Variants in ARHGAP32 observed in about 807,000 individuals in gnomAD.
ARHGAP32 encodes the protein rho GTPase-activating protein 32.
Under a neutral mutation model 186.5 loss-of-function variants are expected in ARHGAP32, and 51 were observed. The ratio of observed to expected loss-of-function variants is 0.27; its 90% CI spans 0.22 to 0.35. The LOEUF (loss-of-function observed/expected upper bound fraction) is 0.35. Ranked by LOEUF, ARHGAP32 falls within the 10% of genes least tolerant of loss-of-function variation. The probability of loss-of-function intolerance (pLI) is 1.00; values close to 1 mark genes in which losing one functional copy is unlikely to be tolerated. For synonymous variants in ARHGAP32, 950 were observed against 964.3 expected (o/e 0.99, Z 0.27); for missense variants, 2,186 against 2,623.5 (o/e 0.83, Z 3.64).
intron 19 of ARHGAP32, 78 bp downstream of exon 19, chr11:128,978,692 C>T: frequency 1.4e-6 from 2 of 1,443,514 alleles, no homozygotes; most frequent in South Asian, 1.4e-5. Context: ...CAGATCATAA[C>T]AATATGTGAA....
At chr11:129,205,182 A>T (rs1259841400) in intron 1 of ARHGAP32, among the ~76,000 whole-genome samples, 1 of 152,132 alleles carries the variant, frequency 6.6e-6, no homozygotes, top group Admixed American at 6.5e-5. Flanking sequence ...AGAACCAGAT[A>T]TCAATATTAT....
chr11:129,192,023 A>T, intron 1 of ARHGAP32, 60 bp downstream of exon 1: 2 of 1,205,772 alleles, frequency 1.7e-6, no homozygotes, highest in Non-Finnish European at 2.4e-6. Context: ...GAGAAGAAAA[A>T]GGGGTGCGGG....
chr11:129,027,031 G>A lies in ARHGAP32; in HGVS notation c.1045+13897C>T, dbSNP rs184203138. ...GGAGAATCTCTTGAACCCGGGAGGC[G>A]GAGCTTGCAGTGAGCCGAGATCACG... is the stretch of plus-strand genomic sequence containing the variant. On this transcript the variant is annotated intron_variant, in intron 11 of 22. Coordinates refer to ENST00000682385, the MANE Select transcript of ARHGAP32 (RefSeq NM_001378024.1). 5.4e-3 allele frequency among the ~76,000 whole-genome samples: 815 copies of A among 149,848 alleles called. 6 individuals are homozygous for A. The highest frequency in any genetic ancestry group is 9.1e-3 in the Non-Finnish European group (611 of 67,440).
intron 11 of ARHGAP32, among the ~76,000 whole-genome samples, chr11:129,034,728 CA>C (rs767897442): frequency 0.055 from 4,022 of 72,582 alleles, 50 homozygotes; most frequent in African/African-American, 0.075. Context: ...AAACTGAAAA[CA>C]AAAAAAAAAA....
At chr11:128,996,030 A>T (rs1946190493) in intron 12 of ARHGAP32, among the ~76,000 whole-genome samples, 1 of 152,256 alleles carries the variant, frequency 6.6e-6, no homozygotes, top group Admixed American at 6.5e-5. Flanking sequence ...AGGTAGTGCT[A>T]ACTCAGAACC....
Position 128,981,521 on chromosome 11 carries a change from C to T in ARHGAP32, c.1675G>A (p.Ala559Thr). 1 of 1,614,048 alleles carries T rather than the reference C, an allele frequency of 6.2e-7. No individual in the cohort carries two copies. The highest frequency in any genetic ancestry group is 1.1e-5 in the South Asian group (1 of 91,072). ...IESACFSGTA[A>T]FMEVRIQSVV... is the part of the protein sequence containing the mutation. ...GACTGAATCCTCACTTCCATGAAAG[C>T]TGCTGTTCCACTGAAGCAGGCAGAT... The change falls in exon 17 of 23, where the codon GCT becomes ACT. Residue 559 changes from alanine (A) to threonine (T), a missense_variant. Around this residue, in one of 5 missense-constraint regions of ARHGAP32, gnomAD observed 308 missense variants for 596.5 expected, o/e 0.52. Coordinates refer to ENST00000682385, the MANE Select transcript of ARHGAP32 (RefSeq NM_001378024.1).
intron 1 of ARHGAP32, among the ~76,000 whole-genome samples, chr11:129,174,290 T>TA (rs1943848824): frequency 6.6e-6 from 1 of 152,190 alleles, no homozygotes. Flanking sequence ...CGGAGGGTCC[T>TA]ACGCCCACGG....
chr11:129,083,981 C>T (rs538496946), intron 6 of ARHGAP32, among the ~76,000 whole-genome samples: 229 of 151,804 alleles, frequency 1.5e-3, no homozygotes, highest in Non-Finnish European at 2.7e-3. Context: ...GAATAAGGAC[C>T]GTCACTACAG....
chr11:129,111,430 G>T (rs1184405532), intron 5 of ARHGAP32, among the ~76,000 whole-genome samples: 1 of 152,200 alleles, frequency 6.6e-6, no homozygotes. Flanking sequence ...GAGTTAGGGA[G>T]AATTCTCTCC....
chr11:129,188,420 A>C (rs533101039), intron 1 of ARHGAP32, among the ~76,000 whole-genome samples: 5 of 152,210 alleles, frequency 3.3e-5, no homozygotes, highest in Non-Finnish European at 7.3e-5. Context: ...GAGCCATTAA[A>C]AGAAATCATC....
intron 1 of ARHGAP32, among the ~76,000 whole-genome samples, chr11:129,235,479 A>G (rs1944916677): frequency 6.6e-6 from 1 of 152,180 alleles, no homozygotes; most frequent in Non-Finnish European, 1.5e-5. Context: ...CATTTTTGGT[A>G]TTATCTGCTC....
chr11:129,223,759 G>C (rs148482813), intron 1 of ARHGAP32, among the ~76,000 whole-genome samples: 2 of 152,302 alleles, frequency 1.3e-5, no homozygotes, highest in Admixed American at 6.5e-5. Context: ...CTGTCAGAGA[G>C]AGCCAAAGAG....
In ARHGAP32 at chr11:128,968,735, G is replaced by T; in HGVS notation, c.*172C>A. On this transcript the variant is annotated 3_prime_UTR_variant, in exon 23 of 23. Coordinates refer to ENST00000682385, the MANE Select transcript of ARHGAP32 (RefSeq NM_001378024.1). ...GACAAAGTCTATAGATGGAAGAGGG[G>T]GTAATGAAGCAGGGAAGGGGAAAAA... is the stretch of plus-strand genomic sequence containing the variant. 2.1e-6 allele frequency: 1 copy of T among 486,020 alleles called. No homozygotes were observed. The highest frequency in any genetic ancestry group is 3.4e-6 in the Non-Finnish European group (1 of 298,472). The allele number at this position is 486,020 out of a possible 1,614,324, so 30.1% of individuals were successfully genotyped here. A position where few individuals can be genotyped will look rare whatever the true frequency, so the allele number is the denominator to read the frequency against.
At position 128,968,569 on chromosome 11, in the gene ARHGAP32, C is replaced by T. The variant is rs889350451; in HGVS notation, c.*338G>A. On this transcript the variant is annotated 3_prime_UTR_variant, in exon 23 of 23. Coordinates refer to ENST00000682385, the MANE Select transcript of ARHGAP32 (RefSeq NM_001378024.1). Reference sequence around the variant, plus strand: ...CAAATACTAAGAAGAAAGGACAATGCTGAATTCAAATTCAGTTAAAGGCAG... The same window carrying T: ...CAAATACTAAGAAGAAAGGACAATGTTGAATTCAAATTCAGTTAAAGGCAG... The T allele has an allele frequency of 5.4e-6, 1 of 185,172 alleles. No individual in the cohort carries two copies. Among genetic ancestry groups the T allele is most frequent in the African/African-American group, 2.3e-5 (1 of 42,808 alleles). 11.5% of individuals were successfully genotyped at this position (185,172 alleles called of 1,614,324 possible).
chr11:129,035,169 C>T (rs552666147), intron 11 of ARHGAP32, among the ~76,000 whole-genome samples: 12 of 137,146 alleles, frequency 8.7e-5, no homozygotes, highest in African/African-American at 3.2e-4. Context: ...CTTTTGTTTC[C>T]TCTCCTCTCT....
At chr11:128,988,000 A>C in intron 13 of ARHGAP32, 23 bp downstream of exon 13, 2 of 1,533,092 alleles carry the variant, frequency 1.3e-6, no homozygotes, top group Non-Finnish European at 1.8e-6. Flanking sequence ...GAAGGAGTGA[A>C]AAAGTGCCAT....
intron 5 of ARHGAP32, among the ~76,000 whole-genome samples, chr11:129,101,177 A>C (rs1026805278): frequency 6.6e-6 from 1 of 152,152 alleles, no homozygotes; most frequent in Non-Finnish European, 1.5e-5. Context: ...TCAAACCCTA[A>C]AGGTCATCAA....
At chr11:129,058,774 G>A (rs1299211207) in intron 10 of ARHGAP32, among the ~76,000 whole-genome samples, 2 of 152,202 alleles carry the variant, frequency 1.3e-5, no homozygotes, top group Non-Finnish European at 2.9e-5. Context: ...ACCGAACTAA[G>A]CTATTATTTC....
chr11:129,156,689 G>A (rs1591657242), intron 2 of ARHGAP32, among the ~76,000 whole-genome samples: 1 of 152,216 alleles, frequency 6.6e-6, no homozygotes, highest in South Asian at 2.1e-4. Flanking sequence ...CAACTCTGAA[G>A]AGAGCAATGG....
Sources: allele counts gnomAD v4.1 joint callset (sites outside exome capture counted in the v4.1 genomes callset), GRCh38; gene constraint gnomAD v4.1.1; regional missense constraint gnomAD v4.1.1; transcripts MANE v1.5; gene names NCBI Gene and HGNC (gene_info 2026-07-23, HGNC 2026-07-21).